The following CFAP97 variants were observed in gnomAD, a reference collection of about 807,000 sequenced individuals.
CFAP97 encodes the protein cilia- and flagella-associated protein 97.
Under a neutral mutation model 43.1 loss-of-function variants are expected in CFAP97, and 36 were observed. The observed-to-expected ratio is 0.84, with a 90% CI of 0.64 to 1.10. The LOEUF (loss-of-function observed/expected upper bound fraction) is 1.10. Ranked by LOEUF, CFAP97 falls within the 50% of genes least tolerant of loss-of-function variation. The probability of loss-of-function intolerance (pLI) is 0.00; values close to 1 mark genes in which losing one functional copy is unlikely to be tolerated. For missense variants in CFAP97, 657 were observed against 620.3 expected, an observed-to-expected ratio of 1.06 and a Z score of -0.63; for synonymous variants, 228 against 225.7, an observed-to-expected ratio of 1.01 and a Z score of -0.09.
At chr4:185,170,343 A>G in intron 3 of CFAP97, 1 of 550,040 alleles carries the variant, frequency 1.8e-6, no homozygotes, top group South Asian at 2.4e-5. Flanking sequence ...GAGATAGTCT[A>G]AATAAATAAA....
chr4:185,203,759 G>A (rs1737042121), intron 1 of CFAP97, 139 bp downstream of exon 1: 1 of 152,040 alleles, frequency 6.6e-6, no homozygotes, highest in African/African-American at 2.4e-5. Flanking sequence ...GTCTCCCACC[G>A]TCCGCGCAGG....
chr4:185,204,197 C>T (rs2111441958), upstream of CFAP97: 1 of 152,324 alleles, frequency 6.6e-6, no homozygotes, highest in South Asian at 2.1e-4. Context: ...GAAGGCGGTC[C>T]AGCCCGCGTG....
At chr4:185,203,417 G>C (rs531482139) in intron 1 of CFAP97, among the ~76,000 whole-genome samples, 8 of 152,272 alleles carry the variant, frequency 5.3e-5, no homozygotes, top group Admixed American at 1.3e-4. Flanking sequence ...AGCACAGTAG[G>C]CCTCCAACAA....
intron 3 of CFAP97, among the ~76,000 whole-genome samples, chr4:185,167,463 T>TCAAA (rs756370999): frequency 6.6e-5 from 10 of 151,930 alleles, no homozygotes; most frequent in East Asian, 1.9e-4. Context: ...AGACCTTATC[T>TCAAA]CAAACAAACA....
At chr4:185,197,790 T>G (rs1736624802) in intron 1 of CFAP97, among the ~76,000 whole-genome samples, 1 of 152,162 alleles carries the variant, frequency 6.6e-6, no homozygotes, top group African/African-American at 2.4e-5. Context: ...AAATTTTAAA[T>G]CAAAAGCTAG....
chr4:185,175,733 AC>A, intron 3 of CFAP97, 52 bp downstream of exon 3: 2 of 1,548,292 alleles, frequency 1.3e-6, no homozygotes, highest in South Asian at 2.4e-5. Flanking sequence ...AGCTGGACAT[AC>A]AAATCAGTGC....
At chr4:185,196,446 G>T (rs554533862) in intron 1 of CFAP97, among the ~76,000 whole-genome samples, 22 of 146,190 alleles carry the variant, frequency 1.5e-4, no homozygotes, top group African/African-American at 5.4e-4. Flanking sequence ...CAGCCTGGGG[G>T]ACAGAAGGAT....
At chr4:185,163,098 A>G (rs1283436838) in intron 4 of CFAP97, among the ~76,000 whole-genome samples, 173 bp from the exon 5 acceptor site, 1 of 152,198 alleles carries the variant, frequency 6.6e-6, no homozygotes, top group Non-Finnish European at 1.5e-5. Flanking sequence ...ACATATCCAG[A>G]TGCCACACCA....
rs1736236861 is a variant in CFAP97 at position 185,191,157 on chromosome 4, G to A, written c.40C>T (p.His14Tyr). 1.9e-6 allele frequency: 3 copies of A among 1,599,426 alleles called. No homozygotes were observed. ...FGDILEGEVD[H>Y]SFFDSDFEEG... Reference sequence around the variant, plus strand: ...TCAAAGTCACTGTCAAAGAAAGAATGGTCCACTTCACCTTCTAATATATCT... The same window carrying A: ...TCAAAGTCACTGTCAAAGAAAGAATAGTCCACTTCACCTTCTAATATATCT... The change falls in exon 2 of 5, where the codon CAT (histidine) becomes TAT (tyrosine). Residue 14 changes from histidine to tyrosine, a missense_variant. By Grantham distance (83) the His-to-Tyr change is moderately conservative. Coordinates refer to ENST00000458385, the MANE Select transcript of CFAP97 (RefSeq NM_020827.3).
intron 1 of CFAP97, among the ~76,000 whole-genome samples, chr4:185,193,453 T>C: frequency 6.6e-6 from 1 of 152,086 alleles, no homozygotes; most frequent in South Asian, 2.1e-4. Context: ...GAGACTACTC[T>C]GGCCAATATA....
upstream of CFAP97, among the ~76,000 whole-genome samples, chr4:185,206,647 G>A (rs980145557): frequency 2.0e-5 from 2 of 101,680 alleles, no homozygotes; most frequent in South Asian, 3.4e-4. Context: ...TAACAAGAGC[G>A]AAACTCTTGT....
In CFAP97 at chr4:185,174,473, T is replaced by C. The variant is rs182839222; in HGVS notation, c.1320+1313A>G. 3.3e-5 allele frequency among the ~76,000 whole-genome samples: 5 copies of C among 152,292 alleles called. No individual in the cohort carries two copies. In the East Asian group the frequency reaches 5.8e-4, roughly 18 times the overall value. ...CTAGCTTCCCAACTCTTGGGGTTAG[T>C]ATGATAATAAAGAAATGTACAAAAG... On this transcript the variant is annotated intron_variant, in intron 3 of 4. Transcript: ENST00000458385.
upstream of CFAP97, among the ~76,000 whole-genome samples, chr4:185,207,051 C>T (rs1483912370): frequency 6.6e-6 from 1 of 152,108 alleles, no homozygotes; most frequent in Non-Finnish European, 1.5e-5. Flanking sequence ...TTCTGGGCCA[C>T]AGCTGATTGG....
At chr4:185,186,199 G>A (rs1269801450) in intron 2 of CFAP97, among the ~76,000 whole-genome samples, 1 of 152,154 alleles carries the variant, frequency 6.6e-6, no homozygotes, top group African/African-American at 2.4e-5. Flanking sequence ...TTGAGAGGCC[G>A]AAGCAGGTGG....
At chr4:185,196,363 A>G (rs1009165057) in intron 1 of CFAP97, among the ~76,000 whole-genome samples, 1 of 151,864 alleles carries the variant, frequency 6.6e-6, no homozygotes, top group Non-Finnish European at 1.5e-5. Context: ...AATCCCAGCT[A>G]CTCGGGAGGC....
intron 1 of CFAP97, among the ~76,000 whole-genome samples, chr4:185,202,843 CA>C (rs1736940830): frequency 6.6e-6 from 1 of 152,170 alleles, no homozygotes; most frequent in African/African-American, 2.4e-5. Context: ...ACTTAATTTA[CA>C]GGAAAATTTA....
chr4:185,174,687 T>A (rs1204960518), intron 3 of CFAP97, among the ~76,000 whole-genome samples: 1 of 152,246 alleles, frequency 6.6e-6, no homozygotes, highest in African/African-American at 2.4e-5. Flanking sequence ...AAATCTTGGC[T>A]CAGCAGCATA....
chr4:185,175,613 C>T (rs556775925), intron 3 of CFAP97, among the ~76,000 whole-genome samples, 173 bp downstream of exon 3: 2 of 152,306 alleles, frequency 1.3e-5, no homozygotes, highest in African/African-American at 4.8e-5. Flanking sequence ...GATAAAAATA[C>T]ATATCGTATC....
chr4:185,197,935 C>T (rs1019938110), intron 1 of CFAP97, among the ~76,000 whole-genome samples: 7 of 152,110 alleles, frequency 4.6e-5, no homozygotes, highest in African/African-American at 1.4e-4. Context: ...GCTACTTCAG[C>T]GAACATGGGA....
Sources: gnomAD v4.1 joint callset for allele counts (sites outside exome capture counted in the v4.1 genomes callset) on GRCh38, gnomAD v4.1.1 for gene constraint, MANE v1.5 for transcripts, NCBI Gene and HGNC (gene_info 2026-07-23, HGNC 2026-07-21) for gene names.